EPM2A: variants seen among roughly 807,000 people sequenced by gnomAD.
The protein encoded by EPM2A is laforin.
EPM2A carries 21 observed loss-of-function variants against 26.5 expected under a neutral mutation model. The ratio of observed to expected loss-of-function variants is 0.79; its 90% CI spans 0.56 to 1.14. The LOEUF (loss-of-function observed/expected upper bound fraction) is 1.14, where lower values mean the gene tolerates loss of function less well. Among genes scored for constraint, EPM2A ranks in the 50% most tolerant of loss-of-function variants. The pLI, the probability that EPM2A is intolerant of heterozygous loss-of-function variation, is 0.00. For missense variants in EPM2A, 458 were observed against 440.8 expected (o/e 1.04, Z -0.35); for synonymous variants, 217 against 177.6 (o/e 1.22, Z -1.76).
At position 145,681,346 on chromosome 6, in the gene EPM2A, T is replaced by C. The variant is rs572889867; in HGVS notation, c.476+4776A>G. ...ATTTTCTCCCATTCTGTAGGTTGCC[T>C]GTTCACTCTGATGGTAGTTTCTTTT... On this transcript the variant is annotated intron_variant, in intron 2 of 3. Transcript: ENST00000367519. Among the ~76,000 whole-genome samples, 1,152 of 151,566 alleles carry C rather than the reference T, an allele frequency of 7.6e-3. 18 individuals are homozygous for C. The highest frequency in any genetic ancestry group is 0.026 in the African/African-American group (1,093 of 41,388).
At chr6:145,552,323 A>G (rs186787566) in intron 2 of EPM2A, among the ~76,000 whole-genome samples, 1 of 152,022 alleles carries the variant, frequency 6.6e-6, no homozygotes, top group Admixed American at 6.6e-5. Context: ...CAAAATGACA[A>G]AGAAGAAACA....
chr6:145,613,658 T>C (rs1775442263), intron 2 of EPM2A, among the ~76,000 whole-genome samples: 2 of 152,174 alleles, frequency 1.3e-5, no homozygotes, highest in Non-Finnish European at 2.9e-5. Context: ...TCCCTAGACA[T>C]ATTTATCAAA....
intron 2 of EPM2A, among the ~76,000 whole-genome samples, chr6:145,644,597 G>A (rs927175305): frequency 1.3e-5 from 2 of 152,058 alleles, no homozygotes; most frequent in African/African-American, 4.8e-5. Flanking sequence ...TAAGGTTCTA[G>A]AAAGACAAAG....
At position 145,686,042 on chromosome 6, in the gene EPM2A, C is replaced by T. The variant is rs1000185342; in HGVS notation, c.476+80G>A. ...CCTCCCAAGTGAGGCACTGCAGTTT[C>T]GAACACAGTAAATATTTCCATTGTG... On this transcript the variant is annotated intron_variant, in intron 2 of 3. Transcript: ENST00000367519. 1.3e-5 allele frequency: 18 copies of T among 1,346,516 alleles called. No homozygotes were observed. In the Admixed American group the frequency reaches 1.4e-4, roughly 11 times the overall value. 83.4% of individuals were successfully genotyped at this position (1,346,516 alleles called of 1,614,324 possible).
At chr6:145,590,098 G>A (rs1781252483) in intron 2 of EPM2A, among the ~76,000 whole-genome samples, 1 of 152,000 alleles carries the variant, frequency 6.6e-6, no homozygotes, top group African/African-American at 2.4e-5. Context: ...ACAAATTATA[G>A]AAATACTTAA....
At chr6:145,473,084 A>G (rs778624898) in intron 4 of EPM2A, among the ~76,000 whole-genome samples, 1 of 152,118 alleles carries the variant, frequency 6.6e-6, no homozygotes, top group Non-Finnish European at 1.5e-5. Flanking sequence ...TCCTGGAGAA[A>G]CAGAGATATG....
At chr6:145,517,766 A>G (rs577976009) in intron 2 of EPM2A, among the ~76,000 whole-genome samples, 2 of 152,304 alleles carry the variant, frequency 1.3e-5, no homozygotes, top group African/African-American at 4.8e-5. Context: ...GATGCACATT[A>G]ACATTTTTCA....
intron 2 of EPM2A, among the ~76,000 whole-genome samples, chr6:145,606,138 C>T (rs1403664786): frequency 6.6e-6 from 1 of 151,918 alleles, no homozygotes; most frequent in Admixed American, 6.6e-5. Flanking sequence ...TAAACAAAAC[C>T]AGAAAAGTTT....
At chr6:145,387,016 T>C (rs2114653775) in intron 4 of EPM2A, among the ~76,000 whole-genome samples, 1 of 152,274 alleles carries the variant, frequency 6.6e-6, no homozygotes, top group Admixed American at 6.5e-5. Context: ...GGAAAAGTCA[T>C]CAGATACCCA....
At chr6:145,387,921 T>C (rs546033813) in intron 4 of EPM2A, among the ~76,000 whole-genome samples, 3 of 151,840 alleles carry the variant, frequency 2.0e-5, no homozygotes, top group East Asian at 2.0e-4. Context: ...GTTGAAGAGG[T>C]TGGACTGGAA....
chr6:145,571,080 A>G (rs575158415), intron 2 of EPM2A, among the ~76,000 whole-genome samples: 2 of 152,286 alleles, frequency 1.3e-5, no homozygotes, highest in African/African-American at 4.8e-5. Context: ...CACGGGAAAA[A>G]GAAGCAAACA....
Position 145,635,311 on chromosome 6 carries a change from T to C in EPM2A, c.652A>G (p.Ile218Val). 1 of 1,614,136 alleles carries C rather than the reference T, an allele frequency of 6.2e-7. No homozygotes were observed. The highest frequency in any genetic ancestry group is 1.1e-5 in the South Asian group (1 of 91,084). ...YPEPMTPDTM[I>V]KLYREEGLAY... is the part of the protein sequence containing the mutation. ...AAGCCTTCTTCCCTATATAGTTTAA[T>C]CATAGTGTCTGGAGTCATGGGCTCT... Residue 218 changes from isoleucine (I) to valine (V), a missense_variant, in exon 3 of 4, where the codon ATT becomes GTT. Coordinates refer to ENST00000367519, the MANE Select transcript of EPM2A (RefSeq NM_005670.4).
chr6:145,465,008 C>T (rs940220624), intron 4 of EPM2A, among the ~76,000 whole-genome samples: 2 of 152,034 alleles, frequency 1.3e-5, no homozygotes, highest in African/African-American at 4.8e-5. Flanking sequence ...TTTCCTGAAT[C>T]TGAATGTTGG....
At chr6:145,589,902 G>GA (rs1781248330) in intron 2 of EPM2A, among the ~76,000 whole-genome samples, 2 of 127,970 alleles carry the variant, frequency 1.6e-5, no homozygotes, top group African/African-American at 2.9e-5. Context: ...AAAAAAAAAA[G>GA]AAAAAAAAGA....
At chr6:145,670,334 TA>T (rs1193567087) in intron 2 of EPM2A, 1 of 152,198 alleles carries the variant, frequency 6.6e-6, no homozygotes, top group African/African-American at 2.4e-5. Context: ...ATTTATATGA[TA>T]AAATCATTAT....
At chr6:145,591,789 G>T (rs1271648073) in intron 2 of EPM2A, among the ~76,000 whole-genome samples, 1 of 151,724 alleles carries the variant, frequency 6.6e-6, no homozygotes, top group African/African-American at 2.4e-5. Context: ...AAAATATTTT[G>T]TTACAAATTT....
chr6:145,437,647 C>T (rs1022070550), intron 4 of EPM2A, among the ~76,000 whole-genome samples: 1 of 152,176 alleles, frequency 6.6e-6, no homozygotes, highest in Non-Finnish European at 1.5e-5. Flanking sequence ...AATAAACAAA[C>T]AGTCTCTTTC....
chr6:145,706,567 T>C (rs1375829527), intron 1 of EPM2A, among the ~76,000 whole-genome samples: 1 of 152,112 alleles, frequency 6.6e-6, no homozygotes, highest in Non-Finnish European at 1.5e-5. Flanking sequence ...CAATCAACAC[T>C]GATGGCCTAG....
intron 2 of EPM2A, among the ~76,000 whole-genome samples, chr6:145,575,674 C>G (rs964716014): frequency 2.6e-5 from 4 of 152,136 alleles, no homozygotes; most frequent in African/African-American, 9.7e-5. Context: ...CCTTGCTTCT[C>G]ATGAGCAATG....
Sources: allele counts gnomAD v4.1 joint callset (sites outside exome capture counted in the v4.1 genomes callset), GRCh38; gene constraint gnomAD v4.1.1; transcripts MANE v1.5; gene names NCBI Gene and HGNC (gene_info 2026-07-23, HGNC 2026-07-21).